Variants in ANKS1B observed in about 807,000 individuals in gnomAD.
ANKS1B encodes the protein ankyrin repeat and sterile alpha motif domain-containing protein 1B.
ANKS1B carries 36 observed loss-of-function variants against 148.3 expected under a neutral mutation model. The ratio of observed to expected loss-of-function variants is 0.24; its 90% CI spans 0.19 to 0.32. The LOEUF (loss-of-function observed/expected upper bound fraction) is 0.32. ANKS1B is among the 10% of genes least tolerant of loss of function. The pLI is 1.00. For missense variants in ANKS1B, 1,157 were observed against 1,542.6 expected (o/e 0.75, Z 4.19); for synonymous variants, 542 against 560.8 (o/e 0.97, Z 0.47).
chr12:99,127,341 T>A (rs946333465), intron 15 of ANKS1B, among the ~76,000 whole-genome samples: 4 of 148,318 alleles, frequency 2.7e-5, no homozygotes, highest in African/African-American at 7.7e-5. Context: ...CCCGATTACT[T>A]TTTTTTTTAA....
intron 5 of ANKS1B, among the ~76,000 whole-genome samples, chr12:99,781,061 T>G (rs2064257433): frequency 9.0e-6 from 1 of 111,250 alleles, no homozygotes; most frequent in East Asian, 2.8e-4. Context: ...AACACATAAT[T>G]GCAAAAAAAA....
chr12:98,809,042 A>G (rs1337343859), intron 19 of ANKS1B, among the ~76,000 whole-genome samples: 1 of 151,772 alleles, frequency 6.6e-6, no homozygotes, highest in African/African-American at 2.4e-5. Flanking sequence ...GCAATTTAAC[A>G]CCTCTCTCTC....
In ANKS1B at chr12:99,693,846, T is replaced by C. The variant is rs560879489; in HGVS notation, c.1129-38636A>G. Among the ~76,000 whole-genome samples, 103 of 150,182 alleles carry C rather than the reference T, an allele frequency of 6.9e-4. 2 individuals carry two copies. The highest frequency in any genetic ancestry group is 3.5e-3 in the Middle Eastern group (1 of 286). On this transcript the variant is annotated intron_variant, in intron 8 of 26. Transcript: ENST00000683438. The stretch of plus-strand genomic sequence containing the variant: ...CCCAGGCTGGAGTGCAGTGGCGCGA[T>C]CTCAGCTCACTGCAAGCTCTGCCTC...
chr12:99,052,284 A>C (rs2099966615), intron 17 of ANKS1B, among the ~76,000 whole-genome samples: 1 of 152,248 alleles, frequency 6.6e-6, no homozygotes, highest in Admixed American at 6.5e-5. Context: ...CAGTTTTTAT[A>C]GGAAATCTAT....
intron 1 of ANKS1B, 40 bp from the exon 2 acceptor site, chr12:99,825,429 A>G (rs7138513): frequency 0.59 from 905,397 of 1,530,096 alleles, 277,319 homozygotes; most frequent in African/African-American, 0.8. Context: ...CAGTGAAGCC[A>G]GATCTTGCCT....
chr12:99,064,637 G>A (rs1224736978), intron 16 of ANKS1B, among the ~76,000 whole-genome samples: 1 of 152,228 alleles, frequency 6.6e-6, no homozygotes, highest in African/African-American at 2.4e-5. Context: ...AGAGCTACTA[G>A]TCAGGCACTG....
intron 9 of ANKS1B, among the ~76,000 whole-genome samples, chr12:99,628,970 AATTT>A (rs2098134078): frequency 6.6e-6 from 1 of 152,174 alleles, no homozygotes; most frequent in African/African-American, 2.4e-5. Flanking sequence ...TTAGGATTCT[AATTT>A]ATTTATTTTG....
chr12:99,873,681 A>T (rs1204995800), intron 1 of ANKS1B, among the ~76,000 whole-genome samples: 1 of 152,170 alleles, frequency 6.6e-6, no homozygotes, highest in Non-Finnish European at 1.5e-5. Context: ...GGTTAATTTT[A>T]TGTGTCAACT....
At chr12:98,923,185 G>A (rs1597003796) in intron 17 of ANKS1B, among the ~76,000 whole-genome samples, 1 of 152,298 alleles carries the variant, frequency 6.6e-6, no homozygotes, top group South Asian at 2.1e-4. Flanking sequence ...GTTGTTAAAA[G>A]GAGTCTGGCT....
At chr12:99,050,010 G>A (rs569027165) in intron 17 of ANKS1B, among the ~76,000 whole-genome samples, 11 of 152,200 alleles carry the variant, frequency 7.2e-5, no homozygotes, top group African/African-American at 2.4e-4. Flanking sequence ...TAAAACTAGC[G>A]ACTCATTACA....
intron 19 of ANKS1B, among the ~76,000 whole-genome samples, chr12:98,817,396 C>G (rs1334657306): frequency 2.0e-5 from 3 of 152,234 alleles, no homozygotes; most frequent in Non-Finnish European, 4.4e-5. Flanking sequence ...TATTTTCTTT[C>G]AGCAGTGACA....
rs149510005 is a variant in ANKS1B, at chr12:99,424,696, C to G, written c.1575+18977G>C. Among the ~76,000 whole-genome samples, 6 of 151,646 alleles carry G rather than the reference C, an allele frequency of 4.0e-5. No homozygotes were observed. In the East Asian group the frequency reaches 7.7e-4, roughly 20 times the overall value. On this transcript the variant is annotated intron_variant, in intron 11 of 26. Coordinates refer to ENST00000683438, the MANE Select transcript of ANKS1B (RefSeq NM_001352186.2). ...AATTTTAACTTGTCTATCTATCTATCTGTCATCTATCTGTCTGTCTGTCTG... is the reference window on the plus strand; with the variant it reads ...AATTTTAACTTGTCTATCTATCTATGTGTCATCTATCTGTCTGTCTGTCTG...
intron 19 of ANKS1B, among the ~76,000 whole-genome samples, chr12:98,817,063 T>A (rs1180807629): frequency 6.6e-6 from 1 of 152,156 alleles, no homozygotes; most frequent in African/African-American, 2.4e-5. Context: ...CTTTCAACAC[T>A]TCAGGGTATT....
intron 8 of ANKS1B, among the ~76,000 whole-genome samples, chr12:99,696,341 A>G (rs771652789): frequency 3.9e-5 from 6 of 152,210 alleles, no homozygotes; most frequent in Non-Finnish European, 7.3e-5. Context: ...AAGGTGTACT[A>G]TAAAGCTACA....
At chr12:99,237,228 T>C (rs1412988608) in intron 14 of ANKS1B, among the ~76,000 whole-genome samples, 1 of 152,204 alleles carries the variant, frequency 6.6e-6, no homozygotes, top group Non-Finnish European at 1.5e-5. Flanking sequence ...CCTGTGTGTT[T>C]GTCACAAAAT....
chr12:99,448,321 T>A (rs926588205), intron 10 of ANKS1B, among the ~76,000 whole-genome samples: 1 of 152,142 alleles, frequency 6.6e-6, no homozygotes, highest in African/African-American at 2.4e-5. Flanking sequence ...GAGGACCTTG[T>A]GTTAAGTGAA....
Position 99,067,231 on chromosome 12 carries a change from G to T in ANKS1B, c.2626-13922C>A, listed in dbSNP as rs142405336. On this transcript the variant is annotated intron_variant, in intron 16 of 26. Transcript: ENST00000683438. ...AGATGGTGCCATATTGCAGATATTG[G>T]TGCCCTCAACATTGGGCACCAGCAG... Among the ~76,000 whole-genome samples the T allele has an allele frequency of 4.0e-4, 61 of 152,312 alleles. No individual in the cohort carries two copies. The East Asian group carries it at 0.011, about 27-fold the overall frequency.
At position 99,173,474 on chromosome 12, in the gene ANKS1B, T is replaced by C. The variant is rs566999721; in HGVS notation, c.2420-19079A>G. Among the ~76,000 whole-genome samples the C allele has an allele frequency of 4.6e-5, 7 of 152,292 alleles. No homozygotes were observed. The South Asian group carries it at 1.4e-3, about 32-fold the overall frequency. On this transcript the variant is annotated intron_variant, in intron 14 of 26. Coordinates refer to ENST00000683438, the MANE Select transcript of ANKS1B (RefSeq NM_001352186.2). ...TGTGTATTTTTCACACTTAAGACAA[T>C]CTTAGAAACTTCACATGCAGGAAAT...
chr12:99,384,477 T>C (rs187436719), intron 12 of ANKS1B, among the ~76,000 whole-genome samples: 75 of 152,254 alleles, frequency 4.9e-4, no homozygotes, highest in African/African-American at 1.7e-3. Flanking sequence ...TCTTGAAAAA[T>C]AGAAGAATCT....
Sources: allele counts gnomAD v4.1 joint callset (sites outside exome capture counted in the v4.1 genomes callset), GRCh38; gene constraint gnomAD v4.1.1; transcripts MANE v1.5; gene names NCBI Gene and HGNC (gene_info 2026-07-23, HGNC 2026-07-21).